Variants in TMEM132C observed in about 807,000 individuals in gnomAD.
The protein encoded by TMEM132C is protein phosphatase 1, regulatory subunit 152.
In TMEM132C, 29 loss-of-function variants were observed where a neutral mutation model predicts 61.4. The ratio of observed to expected loss-of-function variants is 0.47; its 90% CI spans 0.35 to 0.64. The LOEUF (loss-of-function observed/expected upper bound fraction) is 0.64. TMEM132C is among the 30% of genes least tolerant of loss of function. TMEM132C has a pLI of 0.00. For synonymous variants in TMEM132C, 656 were observed against 633.1 expected (o/e 1.04, Z -0.54); for missense variants, 1,408 against 1,476.9 (o/e 0.95, Z 0.76).
intron 1 of TMEM132C, among the ~76,000 whole-genome samples, chr12:128,369,015 T>C (rs1873953219): frequency 1.3e-5 from 2 of 152,348 alleles, no homozygotes. Flanking sequence ...GGCATTTCAG[T>C]GTCCTGAGAA....
In TMEM132C at chr12:128,293,190, C is replaced by T. The variant is rs1871302644; in HGVS notation, c.85+25703C>T. Among the ~76,000 whole-genome samples the T allele has an allele frequency of 2.6e-5, 4 of 152,138 alleles. No individual in the cohort carries two copies. The South Asian group carries it at 8.3e-4, about 32-fold the overall frequency. ...CCAAACTCCCTCTGGTCTCATTTTG[C>T]ACCTCTCCACAGTATAAACTCTCCT... On this transcript the variant is annotated intron_variant, in intron 1 of 8. Transcript: ENST00000435159.
chr12:128,618,434 A>G (rs972551773), intron 4 of TMEM132C, among the ~76,000 whole-genome samples: 5 of 152,198 alleles, frequency 3.3e-5, no homozygotes, highest in Non-Finnish European at 7.3e-5. Context: ...TCATTGATAA[A>G]CAAACACCTT....
At chr12:128,503,052 C>T (rs1050072557) in intron 2 of TMEM132C, among the ~76,000 whole-genome samples, 1 of 152,220 alleles carries the variant, frequency 6.6e-6, no homozygotes, top group Admixed American at 6.5e-5. Flanking sequence ...AAATGTGTCT[C>T]ATTATTCAGG....
rs1478884093 is a variant in TMEM132C at position 128,422,364 on chromosome 12, G to GT, written c.974+6745dup. On this transcript the variant is annotated intron_variant, in intron 2 of 8. Transcript: ENST00000435159. ...GGTTATTAACGTGAAGAACTTGCGG[G>GT]TAGGGGGTGTGAATGTTTGGCCTTG... is the stretch of plus-strand genomic sequence containing the variant. Among the ~76,000 whole-genome samples the GT allele has an allele frequency of 3.3e-5, 5 of 152,304 alleles. No individual in the cohort carries two copies. The South Asian group carries it at 1.0e-3, about 32-fold the overall frequency.
intron 2 of TMEM132C, among the ~76,000 whole-genome samples, chr12:128,526,959 A>G (rs988555231): frequency 3.9e-5 from 6 of 152,178 alleles, no homozygotes; most frequent in Admixed American, 6.5e-5. Context: ...GAAAACACCT[A>G]GACAGTGGCA....
intron 2 of TMEM132C, among the ~76,000 whole-genome samples, chr12:128,453,608 C>T (rs1847864225): frequency 6.6e-6 from 1 of 151,912 alleles, no homozygotes; most frequent in African/African-American, 2.4e-5. Flanking sequence ...TGCAAGCAGA[C>T]AAGAAGGGTG....
rs151108360 is a variant in TMEM132C at position 128,274,065 on chromosome 12, G to A, written c.85+6578G>A. Among the ~76,000 whole-genome samples the A allele has an allele frequency of 3.4e-4, 52 of 152,302 alleles. 1 individual carries two copies. In the East Asian group the frequency reaches 9.5e-3, roughly 28 times the overall value. On this transcript the variant is annotated intron_variant, in intron 1 of 8. Transcript: ENST00000435159. ...TTTATATGCCTTTAGGAACTTAGAA[G>A]TTGCTGCATTCAAGGAGAAAGCAAA...
At chr12:128,611,895 A>G (rs904140178) in intron 3 of TMEM132C, among the ~76,000 whole-genome samples, 2 of 152,224 alleles carry the variant, frequency 1.3e-5, no homozygotes, top group African/African-American at 4.8e-5. Context: ...GAGCGGAACC[A>G]GCGACACCAA....
intron 3 of TMEM132C, among the ~76,000 whole-genome samples, chr12:128,567,914 G>A (rs558565569): frequency 2.6e-5 from 4 of 152,344 alleles, no homozygotes; most frequent in Middle Eastern, 3.4e-3. Flanking sequence ...CCTGTGCCAT[G>A]TGCTGCACCG....
intron 4 of TMEM132C, among the ~76,000 whole-genome samples, chr12:128,660,139 G>T (rs1039685081): frequency 1.6e-4 from 24 of 152,158 alleles, no homozygotes; most frequent in Admixed American, 1.1e-3. Flanking sequence ...GACACCAAAG[G>T]TCGGCTCCAC....
At chr12:128,309,527 C>T (rs1042510311) in intron 1 of TMEM132C, among the ~76,000 whole-genome samples, 3 of 152,098 alleles carry the variant, frequency 2.0e-5, no homozygotes, top group African/African-American at 4.8e-5. Context: ...CCATTTAATC[C>T]GTCACTCTCC....
chr12:128,437,118 G>A (rs11614700), intron 2 of TMEM132C, among the ~76,000 whole-genome samples: 20,087 of 152,042 alleles, frequency 0.13, 1,387 homozygotes, highest in African/African-American at 0.16. Context: ...GACACAGGGC[G>A]GGGAACATCA....
chr12:128,398,423 A>T (rs1006267970), intron 1 of TMEM132C, among the ~76,000 whole-genome samples: 1 of 152,246 alleles, frequency 6.6e-6, no homozygotes. Context: ...TTTGTAGTTC[A>T]TAAGGGTGAA....
intron 2 of TMEM132C, among the ~76,000 whole-genome samples, chr12:128,417,794 T>C (rs1327728794): frequency 1.3e-5 from 2 of 152,238 alleles, no homozygotes; most frequent in Non-Finnish European, 2.9e-5. Context: ...TTGAATTGTA[T>C]CTTCGCAGTA....
At position 128,676,186 on chromosome 12, in the gene TMEM132C, G is replaced by A. The variant is rs937391184; in HGVS notation, c.1449+6626G>A. Among the ~76,000 whole-genome samples the A allele has an allele frequency of 6.6e-5, 10 of 152,262 alleles. No homozygotes were observed. The South Asian group carries it at 2.1e-3, about 32-fold the overall frequency. On this transcript the variant is annotated intron_variant, in intron 5 of 8. Transcript: ENST00000435159. ...TGTCACGTACTCTAGCCTCCTTTAA[G>A]CTGAAGCAAGTCCTTAGCATTGCCC...
chr12:128,683,726 G>C (rs753056717), intron 5 of TMEM132C, among the ~76,000 whole-genome samples: 4 of 152,138 alleles, frequency 2.6e-5, no homozygotes, highest in African/African-American at 2.4e-5. Context: ...TAGCACTTTG[G>C]GGGGCCAAGG....
chr12:128,297,615 C>T (rs754289079), intron 1 of TMEM132C, among the ~76,000 whole-genome samples: 3 of 152,194 alleles, frequency 2.0e-5, no homozygotes, highest in Non-Finnish European at 4.4e-5. Context: ...CTGAGAAGGT[C>T]TGACTTTAAT....
intron 2 of TMEM132C, among the ~76,000 whole-genome samples, chr12:128,477,289 AC>A (rs1350447466): frequency 6.6e-6 from 1 of 152,198 alleles, no homozygotes; most frequent in Non-Finnish European, 1.5e-5. Context: ...ATCCTGGGCC[AC>A]CAAGCTAGCC....
At chr12:128,289,766 G>C (rs1193399) in intron 1 of TMEM132C, among the ~76,000 whole-genome samples, 1 of 152,218 alleles carries the variant, frequency 6.6e-6, no homozygotes, top group African/African-American at 2.4e-5. Flanking sequence ...TCTATTTCAA[G>C]TCTTTTAATC....
Sources: gnomAD v4.1 joint callset for allele counts (sites outside exome capture counted in the v4.1 genomes callset) on GRCh38, gnomAD v4.1.1 for gene constraint, MANE v1.5 for transcripts, NCBI Gene and HGNC (gene_info 2026-07-23, HGNC 2026-07-21) for gene names.